GMDS: variants seen among roughly 807,000 people sequenced by gnomAD.
The protein encoded by GMDS is GDP-mannose 4,6-dehydratase.
A neutral mutation model predicts 49.9 loss-of-function variants in GMDS; 20 were observed. That is an observed-to-expected ratio of 0.40 (90% CI 0.28 to 0.58). GMDS has a LOEUF of 0.58. Among genes scored for constraint, GMDS ranks in the 20% least tolerant of loss-of-function variants. The pLI is 0.42. For synonymous variants in GMDS, 177 were observed against 178.6 expected (o/e 0.99, Z 0.07); for missense variants, 362 against 481.4 (o/e 0.75, Z 2.32).
At chr6:1,804,745 A>G (rs1421719206) in intron 7 of GMDS, among the ~76,000 whole-genome samples, 1 of 152,172 alleles carries the variant, frequency 6.6e-6, no homozygotes, top group African/African-American at 2.4e-5. Context: ...CATGGCAGAA[A>G]TGTGTTTATT....
intron 1 of GMDS, among the ~76,000 whole-genome samples, chr6:2,149,485 A>G (rs1302929014): frequency 6.6e-6 from 1 of 152,140 alleles, no homozygotes; most frequent in African/African-American, 2.4e-5. Flanking sequence ...GGCGTCTACC[A>G]CAGAATGGCT....
intron 8 of GMDS, among the ~76,000 whole-genome samples, chr6:1,738,053 C>CCACA (rs1206542736): frequency 7.1e-6 from 1 of 140,052 alleles, no homozygotes; most frequent in Non-Finnish European, 1.5e-5. Context: ...ACCACATACA[C>CCACA]CACACACATA....
At chr6:2,183,106 T>C (rs1778629887) in intron 1 of GMDS, among the ~76,000 whole-genome samples, 1 of 152,234 alleles carries the variant, frequency 6.6e-6, no homozygotes, top group East Asian at 1.9e-4. Context: ...GTTGTTTTCA[T>C]GCCTGCTAAC....
At chr6:1,787,179 T>C (rs557006380) in intron 7 of GMDS, among the ~76,000 whole-genome samples, 19 of 152,268 alleles carry the variant, frequency 1.2e-4, no homozygotes, top group African/African-American at 4.6e-4. Context: ...GAGTCATGAG[T>C]TATCATTGTT....
chr6:1,901,960 C>T (rs1760524425), intron 7 of GMDS, among the ~76,000 whole-genome samples: 1 of 152,156 alleles, frequency 6.6e-6, no homozygotes, highest in Non-Finnish European at 1.5e-5. Context: ...GACTTCTGCG[C>T]AATGGTAAAG....
chr6:1,634,409 T>C (rs1271866635), intron 9 of GMDS, among the ~76,000 whole-genome samples: 2 of 152,244 alleles, frequency 1.3e-5, no homozygotes, highest in Non-Finnish European at 2.9e-5. Context: ...GTTAAAGGCC[T>C]TCTCCTTTCC....
intron 4 of GMDS, among the ~76,000 whole-genome samples, chr6:1,975,695 A>C (rs553218581): frequency 1.7e-3 from 263 of 152,362 alleles, no homozygotes; most frequent in Non-Finnish European, 2.0e-3. Context: ...GGCTACCTAA[A>C]GGACTTGAAA....
At chr6:2,177,540 T>C (rs1294294131) in intron 1 of GMDS, among the ~76,000 whole-genome samples, 3 of 152,080 alleles carry the variant, frequency 2.0e-5, no homozygotes, top group Admixed American at 1.3e-4. Flanking sequence ...TGGTTCAACA[T>C]ACACAAATCA....
chr6:2,021,856 G>C lies in GMDS; in HGVS notation c.346-60890C>G, dbSNP rs577114335. On this transcript the variant is annotated intron_variant, in intron 4 of 10. Transcript: ENST00000380815. ...AGCTGGTGGGGTGGCAAGGAGCCAG[G>C]CTTCCTCAGCTGGATAGTCTTGATT... Among the ~76,000 whole-genome samples, 5 of 152,326 alleles carry C rather than the reference G, an allele frequency of 3.3e-5. No homozygotes were observed. In the East Asian group the frequency reaches 7.7e-4, roughly 23 times the overall value.
intron 7 of GMDS, among the ~76,000 whole-genome samples, chr6:1,912,570 C>T (rs1194755549): frequency 6.6e-6 from 1 of 152,040 alleles, no homozygotes; most frequent in Non-Finnish European, 1.5e-5. Context: ...ATGTGATACC[C>T]CACCTTCCCT....
chr6:2,029,135 G>A (rs935973646), intron 4 of GMDS, among the ~76,000 whole-genome samples: 2 of 151,938 alleles, frequency 1.3e-5, no homozygotes, highest in Admixed American at 1.3e-4. Flanking sequence ...AAGACAGAAA[G>A]TAAATCCAAT....
At chr6:1,909,427 T>C (rs1479139622) in intron 7 of GMDS, among the ~76,000 whole-genome samples, 2 of 152,234 alleles carry the variant, frequency 1.3e-5, no homozygotes, top group Non-Finnish European at 2.9e-5. Context: ...GTTAATCCTA[T>C]GTCAACAACC....
chr6:2,110,223 G>A (rs1774469226), intron 4 of GMDS, among the ~76,000 whole-genome samples: 1 of 150,022 alleles, frequency 6.7e-6, no homozygotes, highest in African/African-American at 2.5e-5. Context: ...TTCTCCCAAT[G>A]TATTTGTTCA....
Position 1,908,161 on chromosome 6 carries a change from G to A in GMDS, c.771+21942C>T, listed in dbSNP as rs143899978. 6.8e-3 allele frequency among the ~76,000 whole-genome samples: 1,041 copies of A among 152,286 alleles called. 6 individuals are homozygous for A. Among genetic ancestry groups the A allele is most frequent in the Middle Eastern group, 0.044 (13 of 294 alleles). On this transcript the variant is annotated intron_variant, in intron 7 of 10. Transcript: ENST00000380815. Reference sequence around the variant, plus strand: ...TAATGGGTGGGGAACATCGACAGTGGGGATCCACCGGACAAAGGAATGGTT... The same window carrying A: ...TAATGGGTGGGGAACATCGACAGTGAGGATCCACCGGACAAAGGAATGGTT...
chr6:1,922,808 TCTG>T, intron 7 of GMDS, among the ~76,000 whole-genome samples: 1 of 152,180 alleles, frequency 6.6e-6, no homozygotes, highest in Non-Finnish European at 1.5e-5. Context: ...AGCTCCCGTC[TCTG>T]CTGAGAGCCA....
intron 1 of GMDS, among the ~76,000 whole-genome samples, chr6:2,131,771 C>T (rs1196141372): frequency 1.3e-5 from 2 of 151,796 alleles, no homozygotes; most frequent in Non-Finnish European, 2.9e-5. Context: ...TACAAGCATG[C>T]CCAAGGCATA....
At position 1,833,331 on chromosome 6, in the gene GMDS, T is replaced by C. The variant is rs1756765136; in HGVS notation, c.772-90745A>G. On this transcript the variant is annotated intron_variant, in intron 7 of 10. Transcript: ENST00000380815. This position sits in a 1 kb window ranked among gnomAD's most constrained non-coding sequence, Gnocchi z 4.4. ...GACACATCAAATGTCCTCCCTTCCTTCATATGGAAAGCTCATCTCGGAGGT... is the reference window on the plus strand; with the variant it reads ...GACACATCAAATGTCCTCCCTTCCTCCATATGGAAAGCTCATCTCGGAGGT... 6.6e-6 allele frequency among the ~76,000 whole-genome samples: 1 copy of C among 151,454 alleles called. No individual in the cohort carries two copies. Among genetic ancestry groups the C allele is most frequent in the Non-Finnish European group, 1.5e-5 (1 of 67,892 alleles).
intron 6 of GMDS, among the ~76,000 whole-genome samples, chr6:1,939,699 A>G (rs1762727925): frequency 6.6e-6 from 1 of 152,100 alleles, no homozygotes; most frequent in African/African-American, 2.4e-5. Flanking sequence ...CATTAAAGGA[A>G]AAAAACTGAC....
intron 7 of GMDS, among the ~76,000 whole-genome samples, chr6:1,846,116 G>T (rs919608630): frequency 6.9e-6 from 1 of 143,962 alleles, no homozygotes; most frequent in African/African-American, 2.6e-5. Flanking sequence ...TTGAGACAAG[G>T]TCTCTTTGCT....
Sources: allele counts gnomAD v4.1 joint callset (sites outside exome capture counted in the v4.1 genomes callset), GRCh38; gene constraint gnomAD v4.1.1; non-coding constraint Gnocchi (gnomAD v3.1); transcripts MANE v1.5; gene names NCBI Gene and HGNC (gene_info 2026-07-23, HGNC 2026-07-21).